Variants in CNTNAP2 observed in about 807,000 individuals in gnomAD.
CNTNAP2 encodes contactin-associated protein-like 2.
A neutral mutation model predicts 155.2 loss-of-function variants in CNTNAP2; 98 were observed. The observed-to-expected ratio is 0.63, with a 90% CI of 0.54 to 0.75. The LOEUF is 0.75. Ranked by LOEUF, CNTNAP2 falls within the 30% of genes least tolerant of loss-of-function variation. CNTNAP2 has a pLI of 0.00. For synonymous variants in CNTNAP2, 651 were observed against 631.2 expected, an observed-to-expected ratio of 1.03 and a Z score of -0.47; for missense variants, 1,727 against 1,688.1, an observed-to-expected ratio of 1.02 and a Z score of -0.40.
intron 11 of CNTNAP2, among the ~76,000 whole-genome samples, chr7:147,560,589 T>C (rs770547699): frequency 1.3e-4 from 20 of 152,008 alleles, no homozygotes; most frequent in Non-Finnish European, 2.2e-4. Context: ...CCCATCCTCT[T>C]CTAAGAGCAG....
chr7:147,245,444 C>G (rs1804037125), intron 8 of CNTNAP2, among the ~76,000 whole-genome samples: 1 of 152,050 alleles, frequency 6.6e-6, no homozygotes, highest in Admixed American at 6.5e-5. Context: ...GTTGCTGTTT[C>G]ATCCCGGGTT....
Position 147,868,556 on chromosome 7 carries a change from G to C in CNTNAP2, c.2099-35009G>C, listed in dbSNP as rs374586968. Among the ~76,000 whole-genome samples the C allele has an allele frequency of 3.2e-4, 49 of 152,326 alleles. 1 individual carries two copies. Among genetic ancestry groups the C allele is most frequent in the African/African-American group, 1.0e-3 (42 of 41,578 alleles). The stretch of plus-strand genomic sequence containing the variant: ...CAGAAGTTGTCTGCTGCCTTTTCTT[G>C]AGCTATGCCCTGCCCACAGAGGTGG... On this transcript the variant is annotated intron_variant, in intron 13 of 23. Transcript: ENST00000361727.
intron 13 of CNTNAP2, among the ~76,000 whole-genome samples, chr7:147,866,302 G>T (rs917031898): frequency 5.3e-5 from 8 of 151,858 alleles, no homozygotes; most frequent in Non-Finnish European, 1.0e-4. Flanking sequence ...TGTCATTTCT[G>T]TTCTTTTCTA....
intron 21 of CNTNAP2, among the ~76,000 whole-genome samples, chr7:148,316,423 G>C (rs1797690993): frequency 6.6e-6 from 1 of 152,094 alleles, no homozygotes; most frequent in Admixed American, 6.6e-5. Flanking sequence ...ATGACCATCA[G>C]CAAGGTAAAT....
At chr7:147,215,445 T>C (rs1439015186) in intron 8 of CNTNAP2, among the ~76,000 whole-genome samples, 1 of 152,180 alleles carries the variant, frequency 6.6e-6, no homozygotes, top group Admixed American at 6.6e-5. Context: ...GTTGGACTCA[T>C]ACAGTATGTA....
chr7:148,368,617 C>T (rs1393309592), intron 21 of CNTNAP2, among the ~76,000 whole-genome samples: 1 of 152,140 alleles, frequency 6.6e-6, no homozygotes, highest in Non-Finnish European at 1.5e-5. Context: ...AACTCAGACA[C>T]CAAGTTAAAG....
chr7:146,439,754 TA>T (rs984541980), intron 1 of CNTNAP2, among the ~76,000 whole-genome samples: 1 of 151,452 alleles, frequency 6.6e-6, no homozygotes, highest in Non-Finnish European at 1.5e-5. Context: ...GAGAGGTACT[TA>T]AAAAAACACC....
At chr7:148,395,851 C>CACAAACA (rs1799454948) in intron 22 of CNTNAP2, among the ~76,000 whole-genome samples, 1 of 152,190 alleles carries the variant, frequency 6.6e-6, no homozygotes, top group African/African-American at 2.4e-5. Context: ...AAACATACAG[C>CACAAACA]TTTGGAACTA....
At chr7:148,030,799 G>T (rs1466598841) in intron 15 of CNTNAP2, among the ~76,000 whole-genome samples, 1 of 151,714 alleles carries the variant, frequency 6.6e-6, no homozygotes, top group Non-Finnish European at 1.5e-5. Context: ...GCTACAAAAT[G>T]TGGTCAACTA....
intron 15 of CNTNAP2, among the ~76,000 whole-genome samples, chr7:148,071,637 G>A (rs543433841): frequency 6.6e-6 from 1 of 152,322 alleles, no homozygotes; most frequent in African/African-American, 2.4e-5. Flanking sequence ...AGGCAGTATT[G>A]CCATTCAGTA....
At chr7:146,222,540 TA>T (rs1799222590) in intron 1 of CNTNAP2, among the ~76,000 whole-genome samples, 1 of 83,472 alleles carries the variant, frequency 1.2e-5, no homozygotes, top group African/African-American at 4.9e-5. Context: ...GACTAAAGCA[TA>T]GTGTGTGTGT....
At chr7:148,042,738 C>G (rs1315440416) in intron 15 of CNTNAP2, among the ~76,000 whole-genome samples, 1 of 152,194 alleles carries the variant, frequency 6.6e-6, no homozygotes, top group Non-Finnish European at 1.5e-5. Context: ...CGCTGTTTAC[C>G]TCGTCCCTCT....
intron 2 of CNTNAP2, among the ~76,000 whole-genome samples, chr7:146,805,552 G>A (rs556983734): frequency 6.6e-6 from 1 of 152,240 alleles, no homozygotes; most frequent in African/African-American, 2.4e-5. Flanking sequence ...AAGTAAAGTA[G>A]CAGAATGAAA....
intron 13 of CNTNAP2, among the ~76,000 whole-genome samples, chr7:147,887,471 C>T (rs1251753819): frequency 2.0e-5 from 3 of 151,968 alleles, no homozygotes; most frequent in Admixed American, 1.3e-4. Context: ...GACTTCGTCT[C>T]AAAAAAATTA....
At chr7:147,235,320 AC>A (rs1284892574) in intron 8 of CNTNAP2, among the ~76,000 whole-genome samples, 3 of 149,592 alleles carry the variant, frequency 2.0e-5, no homozygotes, top group African/African-American at 7.4e-5. Flanking sequence ...CTTACAATGA[AC>A]CTTTTTATAG....
intron 16 of CNTNAP2, among the ~76,000 whole-genome samples, chr7:148,129,446 A>G (rs1804780832): frequency 1.3e-5 from 2 of 152,054 alleles, no homozygotes; most frequent in Non-Finnish European, 2.9e-5. Context: ...GTGCAAAGGA[A>G]CTTTCTGGGT....
At chr7:147,112,828 T>TTTGTTGTTGTTGTTG (rs142550469) in intron 5 of CNTNAP2, among the ~76,000 whole-genome samples, 4 of 151,420 alleles carry the variant, frequency 2.6e-5, no homozygotes, top group Non-Finnish European at 5.9e-5. Flanking sequence ...TGCCCGAAGT[T>TTTGTTGTTGTTGTTG]TTGTTGTTGT....
At chr7:146,425,864 TA>T (rs1208472170) in intron 1 of CNTNAP2, among the ~76,000 whole-genome samples, 2 of 151,912 alleles carry the variant, frequency 1.3e-5, no homozygotes, top group African/African-American at 4.8e-5. Context: ...AAAAACTAAA[TA>T]AATTTTAATT....
intron 4 of CNTNAP2, among the ~76,000 whole-genome samples, chr7:147,046,191 T>C (rs1457308738): frequency 6.6e-6 from 1 of 152,102 alleles, no homozygotes; most frequent in Non-Finnish European, 1.5e-5. Flanking sequence ...CCCAGCAAAA[T>C]AAGCACCCAC....
Sources: gnomAD v4.1 joint callset for allele counts (sites outside exome capture counted in the v4.1 genomes callset) on GRCh38, gnomAD v4.1.1 for gene constraint, MANE v1.5 for transcripts, NCBI Gene and HGNC (gene_info 2026-07-23, HGNC 2026-07-21) for gene names.